Variants in ROBO1 observed in about 807,000 individuals in gnomAD.
ROBO1 encodes the protein roundabout homolog 1.
Under a neutral mutation model 195.9 loss-of-function variants are expected in ROBO1, and 149 were observed. The ratio of observed to expected loss-of-function variants is 0.76; its 90% CI spans 0.67 to 0.87. The LOEUF is 0.87. Among genes scored for constraint, ROBO1 ranks in the 40% least tolerant of loss-of-function variants. The probability of loss-of-function intolerance (pLI) is 0.00; values close to 1 mark genes in which losing one functional copy is unlikely to be tolerated. For synonymous variants in ROBO1, 816 were observed against 733.2 expected (o/e 1.11, Z -1.82); for missense variants, 1,933 against 2,068.3 (o/e 0.93, Z 1.27).
At chr3:79,693,241 T>C (rs1947345669) in intron 1 of ROBO1, among the ~76,000 whole-genome samples, 1 of 151,866 alleles carries the variant, frequency 6.6e-6, no homozygotes, top group African/African-American at 2.4e-5. Flanking sequence ...CATCATCTTT[T>C]ATAGCATACA....
intron 2 of ROBO1, among the ~76,000 whole-genome samples, chr3:79,205,415 A>T (rs1433777500): frequency 1.3e-5 from 2 of 152,184 alleles, no homozygotes; most frequent in Non-Finnish European, 2.9e-5. Flanking sequence ...CCATTTAATC[A>T]CCCAGATAAC....
At chr3:78,941,475 C>T (rs1397194858) in intron 3 of ROBO1, among the ~76,000 whole-genome samples, 1 of 152,118 alleles carries the variant, frequency 6.6e-6, no homozygotes, top group African/African-American at 2.4e-5. Flanking sequence ...GGATTGACTG[C>T]TGAGGAGATA....
intron 1 of ROBO1, among the ~76,000 whole-genome samples, chr3:79,684,777 G>A (rs552036110): frequency 5.9e-5 from 9 of 152,128 alleles, no homozygotes; most frequent in African/African-American, 1.9e-4. Flanking sequence ...CCGGGTTCAA[G>A]CAATTCTCCT....
intron 3 of ROBO1, among the ~76,000 whole-genome samples, chr3:79,009,567 G>A (rs1461839431): frequency 6.6e-6 from 1 of 152,134 alleles, no homozygotes. Flanking sequence ...CAAAAGAATG[G>A]TATTCCCAAA....
intron 2 of ROBO1, among the ~76,000 whole-genome samples, chr3:79,246,653 TG>T (rs2082628804): frequency 6.6e-6 from 1 of 152,126 alleles, no homozygotes; most frequent in Admixed American, 6.6e-5. Flanking sequence ...ATTATTTGTG[TG>T]ACCTTGAGCT....
At chr3:79,101,016 A>C (rs989819364) in intron 3 of ROBO1, among the ~76,000 whole-genome samples, 16 of 151,774 alleles carry the variant, frequency 1.1e-4, no homozygotes, top group Non-Finnish European at 1.6e-4. Flanking sequence ...AATCAGGGCT[A>C]TGCCAATCTA....
At chr3:79,116,888 G>A (rs943633637) in intron 3 of ROBO1, among the ~76,000 whole-genome samples, 8 of 152,052 alleles carry the variant, frequency 5.3e-5, no homozygotes, top group Non-Finnish European at 1.0e-4. Flanking sequence ...TTGGTATACT[G>A]TACTATTATA....
At chr3:78,739,021 A>C (rs1348511107) in intron 5 of ROBO1, among the ~76,000 whole-genome samples, 1 of 152,162 alleles carries the variant, frequency 6.6e-6, no homozygotes, top group Non-Finnish European at 1.5e-5. Context: ...AGTAGGAAGA[A>C]GAATAAACAA....
At chr3:78,613,868 G>A (rs1275549915) in intron 28 of ROBO1, among the ~76,000 whole-genome samples, 1 of 152,168 alleles carries the variant, frequency 6.6e-6, no homozygotes, top group African/African-American at 2.4e-5. Flanking sequence ...AGAGGACCAG[G>A]AGGTGGGGGA....
intron 1 of ROBO1, among the ~76,000 whole-genome samples, chr3:79,763,375 A>C (rs962949495): frequency 6.6e-6 from 1 of 152,206 alleles, no homozygotes; most frequent in Non-Finnish European, 1.5e-5. Flanking sequence ...TTAATCCCTG[A>C]ATAAAGACCA....
chr3:79,213,841 TGA>T (rs2082008005), intron 2 of ROBO1, among the ~76,000 whole-genome samples: 1 of 73,826 alleles, frequency 1.4e-5, no homozygotes, highest in African/African-American at 3.8e-5. Flanking sequence ...TTTTTTTTTG[TGA>T]GAGAGAGAGT....
intron 21 of ROBO1, among the ~76,000 whole-genome samples, chr3:78,642,962 AT>A (rs368256285): frequency 2.0e-5 from 3 of 149,918 alleles, no homozygotes; most frequent in Admixed American, 6.7e-5. Flanking sequence ...TGGCTCATTC[AT>A]TTTTTTTTTA....
At chr3:78,783,122 G>A (rs138160326) in intron 4 of ROBO1, among the ~76,000 whole-genome samples, 11 of 152,190 alleles carry the variant, frequency 7.2e-5, no homozygotes, top group African/African-American at 2.6e-4. Flanking sequence ...AGGGGTACAA[G>A]TGTAATTTTG....
At chr3:78,884,002 A>G (rs1032145365) in intron 4 of ROBO1, among the ~76,000 whole-genome samples, 1 of 152,174 alleles carries the variant, frequency 6.6e-6, no homozygotes, top group African/African-American at 2.4e-5. Flanking sequence ...AGAGTGTGCC[A>G]GGTAGTTTTG....
chr3:79,129,447 C>G (rs1034130028), intron 2 of ROBO1, among the ~76,000 whole-genome samples: 1 of 151,946 alleles, frequency 6.6e-6, no homozygotes, highest in Non-Finnish European at 1.5e-5. Context: ...TATACATACA[C>G]ACAAACAGTA....
intron 3 of ROBO1, among the ~76,000 whole-genome samples, chr3:79,101,927 C>A (rs2079683483): frequency 6.6e-6 from 1 of 151,774 alleles, no homozygotes; most frequent in Non-Finnish European, 1.5e-5. Context: ...TTCATGTGAA[C>A]CAATATATTG....
intron 3 of ROBO1, among the ~76,000 whole-genome samples, chr3:79,087,676 T>C (rs1023993844): frequency 1.3e-5 from 2 of 151,996 alleles, no homozygotes; most frequent in Non-Finnish European, 2.9e-5. Context: ...TAGAAATGGA[T>C]GCTAAGCTAA....
intron 3 of ROBO1, among the ~76,000 whole-genome samples, chr3:78,987,713 T>C (rs1283509750): frequency 6.6e-6 from 1 of 152,044 alleles, no homozygotes; most frequent in Admixed American, 6.6e-5. Context: ...AGGGTGACTA[T>C]AGTCAATAAG....
intron 5 of ROBO1, among the ~76,000 whole-genome samples, chr3:78,731,769 AT>A (rs1220153527): frequency 6.6e-6 from 1 of 152,156 alleles, no homozygotes; most frequent in Non-Finnish European, 1.5e-5. Context: ...TTCTATAGAA[AT>A]TTTAAAGAAC....
Sources: gnomAD v4.1 joint callset for allele counts (sites outside exome capture counted in the v4.1 genomes callset) on GRCh38, gnomAD v4.1.1 for gene constraint, MANE v1.5 for transcripts, NCBI Gene and HGNC (gene_info 2026-07-23, HGNC 2026-07-21) for gene names.